The following ZSCAN1 variants were observed in gnomAD, a reference collection of about 807,000 sequenced individuals.
The protein encoded by ZSCAN1 is zinc finger and SCAN domain containing 1, also known as zinc finger and SCAN domain-containing protein 1.
Under a neutral mutation model 23.8 loss-of-function variants are expected in ZSCAN1, and 23 were observed. That is an observed-to-expected ratio of 0.97 (90% CI 0.70 to 1.37). The LOEUF is 1.37. ZSCAN1 is among the 40% of genes most tolerant of loss of function. ZSCAN1 has a pLI of 0.00. For missense variants in ZSCAN1, 575 were observed against 554.0 expected, an observed-to-expected ratio of 1.04 and a Z score of -0.38; for synonymous variants, 236 against 232.3, an observed-to-expected ratio of 1.02 and a Z score of -0.15.
chr19:58,048,140 A>G (rs1423194607), intron 4 of ZSCAN1, among the ~76,000 whole-genome samples: 3 of 152,258 alleles, frequency 2.0e-5, no homozygotes, highest in Non-Finnish European at 4.4e-5. Flanking sequence ...GGAACAGGAG[A>G]TATTTCTCAA....
chr19:58,038,260 G>T lies in ZSCAN1; in HGVS notation c.370+54G>T. The T allele has an allele frequency of 3.2e-6, 5 of 1,548,600 alleles. 1 individual carries two copies. In the South Asian group the frequency reaches 5.9e-5, roughly 18 times the overall value. On this transcript the variant is annotated intron_variant, in intron 3 of 5. Transcript: ENST00000282326. ...CCGGGCCAGGGGGCCTGACGTCTCC[G>T]AGGACCGAACTGCCCTCCTTCCCGC... is the stretch of plus-strand genomic sequence containing the variant.
rs948229804 is a variant in ZSCAN1, at chr19:58,052,620, G to A, written c.596G>A (p.Gly199Asp). Residue 199 changes from glycine (G) to aspartate (D), a missense_variant, in exon 5 of 6, where the codon GGC becomes GAC. Transcript: ENST00000282326. ...GAGGCCGAAGCGCCCCGCGCCCCTGGCTTGCTGGGTGAGTCTGGCTCCTGT... is the reference window on the plus strand; with the variant it reads ...GAGGCCGAAGCGCCCCGCGCCCCTGACTTGCTGGGTGAGTCTGGCTCCTGT... Reference protein sequence around the residue: ...RAEAEAPRAPGLLGSRARLPL... With the variant: ...RAEAEAPRAPDLLGSRARLPL... 2 of 1,600,320 alleles carry A rather than the reference G, an allele frequency of 1.2e-6. No individual in the cohort carries two copies. The highest frequency in any genetic ancestry group is 1.7e-5 in the Admixed American group (1 of 58,120).
chr19:58,040,660 C>G lies in ZSCAN1; in HGVS notation c.465+116C>G. 9.7e-7 allele frequency: 1 copy of G among 1,035,806 alleles called. No individual in the cohort carries two copies. The highest frequency in any genetic ancestry group is 1.4e-6 in the Non-Finnish European group (1 of 700,646). 64.2% of individuals were successfully genotyped at this position (1,035,806 alleles called of 1,614,324 possible). On this transcript the variant is annotated intron_variant, in intron 4 of 5. Transcript: ENST00000282326. This position sits in a 1 kb window ranked among gnomAD's most constrained non-coding sequence, Gnocchi z 5.8. Reference sequence around the variant, plus strand: ...TGTGTGAGGTTGTCCCCAGCGCTCCCAGGAAGCCCGGCCTCCAAACTCCCC... The same window carrying G: ...TGTGTGAGGTTGTCCCCAGCGCTCCGAGGAAGCCCGGCCTCCAAACTCCCC...
intron 1 of ZSCAN1, among the ~76,000 whole-genome samples, chr19:58,034,989 G>T (rs1330444949): frequency 6.6e-6 from 1 of 151,814 alleles, no homozygotes; most frequent in East Asian, 2.0e-4. Context: ...CAGCGGCAAA[G>T]CCCTTCTGCC....
chr19:58,038,567 G>A (rs1251939748), intron 3 of ZSCAN1: 1 of 531,698 alleles, frequency 1.9e-6, no homozygotes, highest in Non-Finnish European at 3.3e-6. Context: ...GAATCCTAGA[G>A]ATCCTTAAGC....
chr19:58,046,532 T>C (rs2073827498), intron 4 of ZSCAN1: 2 of 916,744 alleles, frequency 2.2e-6, no homozygotes, highest in Non-Finnish European at 3.7e-6. Flanking sequence ...ATCAACGCCA[T>C]GAAGCAAGTC....
intron 4 of ZSCAN1, among the ~76,000 whole-genome samples, chr19:58,048,217 A>T (rs1170577105): frequency 6.6e-6 from 1 of 152,262 alleles, no homozygotes; most frequent in Non-Finnish European, 1.5e-5. Flanking sequence ...TTGAGAAAGA[A>T]GTTTGTTTTA....
At position 58,037,995 on chromosome 19, in the gene ZSCAN1, C is replaced by T. The variant is rs1427729812; in HGVS notation, c.159C>T (p.His53=). 4 of 1,609,188 alleles carry T rather than the reference C, an allele frequency of 2.5e-6. No homozygotes were observed. Among genetic ancestry groups the T allele is most frequent in the Non-Finnish European group, 3.4e-6 (4 of 1,179,414 alleles). Residue 53 remains histidine (H), a synonymous_variant, in exon 3 of 6, where the codon CAC becomes CAT. Coordinates refer to ENST00000282326, the MANE Select transcript of ZSCAN1 (RefSeq NM_182572.4). ...AGTACCACGTGGCGAGCGGGCCGCA[C>T]CTCGCGCTGGGCCAGCTCTGGACGC... is the stretch of plus-strand genomic sequence containing the variant. The part of the protein sequence containing the change: ...QFQYHVASGP[H]LALGQLWTLC...
chr19:58,046,716 G>C, intron 4 of ZSCAN1: 1 of 815,446 alleles, frequency 1.2e-6, no homozygotes, highest in Non-Finnish European at 2.2e-6. Context: ...AAAAAGAGGA[G>C]AAAGGGTGGA....
chr19:58,035,005 C>A (rs752701948), intron 1 of ZSCAN1, among the ~76,000 whole-genome samples: 3 of 151,926 alleles, frequency 2.0e-5, no homozygotes, highest in African/African-American at 7.3e-5. Context: ...CTGCCCATCC[C>A]CGCAATAGAA....
chr19:58,052,373 G>T, intron 4 of ZSCAN1, 117 bp from the exon 5 acceptor site: 2 of 1,523,472 alleles, frequency 1.3e-6, no homozygotes, highest in South Asian at 2.4e-5. Flanking sequence ...GCGACACCGC[G>T]CACTGCCCTG....
At chr19:58,039,770 CAAAA>C (rs67254346) in intron 3 of ZSCAN1, among the ~76,000 whole-genome samples, 1 of 83,300 alleles carries the variant, frequency 1.2e-5, no homozygotes, top group Non-Finnish European at 2.4e-5. Context: ...GACTCCGTCT[CAAAA>C]AAAAAAAAAA....
rs975535212 is a variant in ZSCAN1 at position 58,037,883 on chromosome 19, C to A, written c.47C>A (p.Thr16Asn). 4 of 1,564,968 alleles carry A rather than the reference C, an allele frequency of 2.6e-6. No individual in the cohort carries two copies. Among genetic ancestry groups the A allele is most frequent in the Non-Finnish European group, 3.5e-6 (4 of 1,159,058 alleles). ...KAPASPRRPQ[T>N]PTPSEQDADP... ...CCTGCCTCCCCCAGACGCCCCCAGA[C>A]CCCAACCCCGAGTGAGCAGGACGCA... The change falls in exon 3 of 6, where the codon ACC (threonine) becomes AAC (asparagine). Residue 16 changes from threonine to asparagine, a missense_variant. Thr to Asn is a moderately conservative substitution (Grantham distance 65). Transcript: ENST00000282326.
At position 58,047,073 on chromosome 19, in the gene ZSCAN1, AGT is replaced by A. The variant is rs2073831138; in HGVS notation, c.466-5414_466-5413del. On this transcript the variant is annotated intron_variant, in intron 4 of 5. Transcript: ENST00000282326. This position sits in a 1 kb window ranked among gnomAD's most constrained non-coding sequence, Gnocchi z 4.9. ...CCCCCTGTGTGTGGCCTCACGTCTC[AGT>A]GTCTGACTGTGCTGCCCTGTGCCCA... Among the ~76,000 whole-genome samples the A allele has an allele frequency of 6.6e-6, 1 of 152,150 alleles. No homozygotes were observed. Among genetic ancestry groups the A allele is most frequent in the Admixed American group, 6.5e-5 (1 of 15,284 alleles).
intron 4 of ZSCAN1, chr19:58,044,604 T>C (rs889762120): frequency 3.9e-6 from 4 of 1,030,280 alleles, no homozygotes; most frequent in Non-Finnish European, 5.8e-6. Context: ...TCCATCTTAA[T>C]GAGGAGCTGC....
Position 58,045,477 on chromosome 19 carries a change from A to T in ZSCAN1, c.465+4933A>T. 1 of 1,292,464 alleles carries T rather than the reference A, an allele frequency of 7.7e-7. No homozygotes were observed. The highest frequency in any genetic ancestry group is 1.2e-5 in the South Asian group (1 of 84,830). The allele number at this position is 1,292,464 out of a possible 1,614,324, so 80.1% of individuals were successfully genotyped here. On this transcript the variant is annotated intron_variant, in intron 4 of 5. Coordinates refer to ENST00000282326, the MANE Select transcript of ZSCAN1 (RefSeq NM_182572.4). This position sits in a 1 kb window ranked among gnomAD's most constrained non-coding sequence, Gnocchi z 4.3. ...CCAGAAGATCCGGGAGACGGGGGAG[A>T]GGCCCAGCAATGAGGAAATCATGGG...
chr19:58,056,423 A>G (rs538069093), downstream of ZSCAN1, among the ~76,000 whole-genome samples: 1 of 152,288 alleles, frequency 6.6e-6, no homozygotes, highest in Non-Finnish European at 1.5e-5. Context: ...GGTCCTACAG[A>G]GTGAAGGGAT....
chr19:58,040,402 G>A lies in ZSCAN1; in HGVS notation c.371-48G>A, dbSNP rs781332273. On this transcript the variant is annotated intron_variant, in intron 3 of 5. Transcript: ENST00000282326. The surrounding 1 kb of genome is among the most constrained non-coding windows in gnomAD (Gnocchi z 5.8). Reference sequence around the variant, plus strand: ...TCCCCAGAAGGCCTGGAGAATTGGGGGCTCTGGGAAGAACAGGCCCCTCTC... The same window carrying A: ...TCCCCAGAAGGCCTGGAGAATTGGGAGCTCTGGGAAGAACAGGCCCCTCTC... 3 of 1,598,128 alleles carry A rather than the reference G, an allele frequency of 1.9e-6. No individual in the cohort carries two copies. Among genetic ancestry groups the A allele is most frequent in the Non-Finnish European group, 2.6e-6 (3 of 1,166,838 alleles).
chr19:58,039,788 A>G (rs1157733894), intron 3 of ZSCAN1, among the ~76,000 whole-genome samples: 1 of 151,782 alleles, frequency 6.6e-6, no homozygotes, highest in African/African-American at 2.4e-5. Context: ...AAAAAAAAAA[A>G]AAAAGGAACA....
Sources: allele counts gnomAD v4.1 joint callset (sites outside exome capture counted in the v4.1 genomes callset), GRCh38; gene constraint gnomAD v4.1.1; non-coding constraint Gnocchi (gnomAD v3.1); transcripts MANE v1.5; gene names NCBI Gene and HGNC (gene_info 2026-07-23, HGNC 2026-07-21).